The following ITGA9 variants were observed in gnomAD, a reference collection of about 807,000 sequenced individuals.
ITGA9 encodes integrin subunit alpha 9, also known as integrin alpha-9.
A neutral mutation model predicts 127.8 loss-of-function variants in ITGA9; 56 were observed. The ratio of observed to expected loss-of-function variants is 0.44; its 90% CI spans 0.35 to 0.55. ITGA9 has a LOEUF of 0.55. ITGA9 is among the 20% of genes least tolerant of loss of function. ITGA9 has a pLI of 0.00. For missense variants in ITGA9, 1,196 were observed against 1,347.1 expected, an observed-to-expected ratio of 0.89 and a Z score of 1.76; for synonymous variants, 508 against 514.5, an observed-to-expected ratio of 0.99 and a Z score of 0.17.
At position 37,452,572 on chromosome 3, in the gene ITGA9, C is replaced by G. The variant is rs2125543053; in HGVS notation, c.185+13C>G. The G allele has an allele frequency of 6.6e-7, 1 of 1,507,920 alleles. No individual in the cohort carries two copies. Among genetic ancestry groups the G allele is most frequent in the East Asian group, 2.8e-5 (1 of 35,996 alleles). The allele number at this position is 1,507,920 out of a possible 1,614,324, so 93.4% of individuals were successfully genotyped here. A position where few individuals can be genotyped will look rare whatever the true frequency, so the allele number is the denominator to read the frequency against. On this transcript the variant is annotated intron_variant, in intron 1 of 27. Transcript: ENST00000264741. This position sits in a 1 kb window ranked among gnomAD's most constrained non-coding sequence, Gnocchi z 7.3. ...ACAACACGCGCTGGTGAGTGCCCGC[C>G]CGACTCCGCGACCCTGGCCCGCGCG...
At chr3:37,732,868 C>T (rs1009140386) in intron 19 of ITGA9, 70 bp downstream of exon 19, 32 of 1,244,430 alleles carry the variant, frequency 2.6e-5, no homozygotes, top group South Asian at 7.6e-5. Flanking sequence ...CTGATTCCGC[C>T]GCCTCCCTGA....
At chr3:37,515,040 G>C (rs192401521) in intron 9 of ITGA9, among the ~76,000 whole-genome samples, 18 of 152,172 alleles carry the variant, frequency 1.2e-4, no homozygotes. Flanking sequence ...TCAGGATCTG[G>C]AAGTACAAGT....
Position 37,595,205 on chromosome 3 carries a change from A to G in ITGA9, c.1690-33982A>G, listed in dbSNP as rs1445392182. 2.6e-5 allele frequency among the ~76,000 whole-genome samples: 4 copies of G among 152,004 alleles called. No homozygotes were observed. The East Asian group carries it at 7.7e-4, about 29-fold the overall frequency. On this transcript the variant is annotated intron_variant, in intron 15 of 27. Transcript: ENST00000264741. ...CTGCAGCCTCAGCAGCCCAGGCCCA[A>G]GTGATCCTCCCACCTCAGCTTTCCA...
chr3:37,712,572 G>T (rs1295484886), intron 18 of ITGA9, among the ~76,000 whole-genome samples: 2 of 152,202 alleles, frequency 1.3e-5, no homozygotes, highest in East Asian at 1.9e-4. Context: ...GGTTGGCTTC[G>T]ACCACAGCTT....
At chr3:37,704,237 A>T (rs969735292) in intron 18 of ITGA9, among the ~76,000 whole-genome samples, 1 of 152,132 alleles carries the variant, frequency 6.6e-6, no homozygotes, top group African/African-American at 2.4e-5. Context: ...GATTTGTCTA[A>T]ACAAGGCTTT....
chr3:37,774,119 A>G (rs1696875990), intron 23 of ITGA9, among the ~76,000 whole-genome samples: 2 of 152,222 alleles, frequency 1.3e-5, no homozygotes, highest in Admixed American at 1.3e-4. Flanking sequence ...ACCAACGCCC[A>G]CTTGCGTAGC....
chr3:37,678,619 C>T (rs1448320713), intron 17 of ITGA9, among the ~76,000 whole-genome samples: 5 of 152,150 alleles, frequency 3.3e-5, no homozygotes, highest in African/African-American at 1.2e-4. Flanking sequence ...AGCCTTTACT[C>T]AGGCTAGATT....
chr3:37,593,957 C>T (rs1003198904), intron 15 of ITGA9, among the ~76,000 whole-genome samples: 1 of 152,050 alleles, frequency 6.6e-6, no homozygotes, highest in African/African-American at 2.4e-5. Flanking sequence ...GGAGTCTGAC[C>T]AGGGGCAAGC....
chr3:37,506,512 C>G (rs932393417), intron 7 of ITGA9, among the ~76,000 whole-genome samples: 1 of 152,148 alleles, frequency 6.6e-6, no homozygotes, highest in South Asian at 2.1e-4. Context: ...AAATTATTCT[C>G]GTATTTATTT....
chr3:37,527,787 T>C (rs918676200), intron 13 of ITGA9, among the ~76,000 whole-genome samples: 18 of 146,330 alleles, frequency 1.2e-4, no homozygotes, highest in Non-Finnish European at 2.3e-4. Flanking sequence ...TTTTTTTTTT[T>C]CTTCTTTTCT....
intron 18 of ITGA9, among the ~76,000 whole-genome samples, chr3:37,700,511 G>T (rs1700935059): frequency 6.6e-6 from 1 of 151,886 alleles, no homozygotes; most frequent in South Asian, 2.1e-4. Flanking sequence ...ACCACACCTG[G>T]GTAATTTTTG....
intron 18 of ITGA9, among the ~76,000 whole-genome samples, chr3:37,705,200 T>C (rs1470230203): frequency 6.6e-6 from 1 of 152,234 alleles, no homozygotes; most frequent in Non-Finnish European, 1.5e-5. Context: ...CATTTTTCCT[T>C]ACTTTAGAAG....
intron 7 of ITGA9, among the ~76,000 whole-genome samples, chr3:37,506,300 G>A (rs1175569881): frequency 6.6e-6 from 1 of 152,008 alleles, no homozygotes; most frequent in East Asian, 1.9e-4. Context: ...TCGATTTCCT[G>A]CACACTCTCA....
chr3:37,792,240 T>C (rs1416038253), intron 26 of ITGA9, among the ~76,000 whole-genome samples: 2 of 152,214 alleles, frequency 1.3e-5, no homozygotes, highest in East Asian at 1.9e-4. Context: ...TGAATATTTA[T>C]TGAGGGCTTG....
At chr3:37,755,377 C>G (rs948415395) in intron 23 of ITGA9, among the ~76,000 whole-genome samples, 2 of 152,052 alleles carry the variant, frequency 1.3e-5, no homozygotes, top group African/African-American at 2.4e-5. Context: ...GAGTAGACCC[C>G]CAAGAATCAC....
chr3:37,517,512 C>T lies in ITGA9; in HGVS notation c.1044C>T (p.Leu348=), dbSNP rs148408532. 8.8e-6 allele frequency: 14 copies of T among 1,589,940 alleles called. No homozygotes were observed. Among genetic ancestry groups the T allele is most frequent in the Middle Eastern group, 1.7e-4 (1 of 6,040 alleles). The part of the protein sequence containing the change: ...TVYINRGNGA[L]EEQLALTGDG... ...TCCATCCTGTTTCCCAGGGAGCCCT[C>T]GAGGAGCAGCTGGCTCTGACTGGGG... The change falls in exon 10 of 28, where the codon CTC becomes CTT. Residue 348 remains leucine, a synonymous_variant. Coordinates refer to ENST00000264741, the MANE Select transcript of ITGA9 (RefSeq NM_002207.3).
At chr3:37,790,046 T>G (rs1311018032) in intron 26 of ITGA9, 2 of 561,586 alleles carry the variant, frequency 3.6e-6, no homozygotes, top group Non-Finnish European at 6.8e-6. Flanking sequence ...TTCTCAGCAG[T>G]CCATGTTTCT....
intron 17 of ITGA9, among the ~76,000 whole-genome samples, chr3:37,673,545 TC>T (rs1700656662): frequency 6.6e-6 from 1 of 152,162 alleles, no homozygotes; most frequent in Non-Finnish European, 1.5e-5. Context: ...GCAGTCCCAG[TC>T]CCAGTCACAA....
intron 18 of ITGA9, 45 bp downstream of exon 18, chr3:37,684,060 G>A (rs750704203): frequency 6.5e-7 from 1 of 1,547,212 alleles, no homozygotes; most frequent in Admixed American, 1.7e-5. Flanking sequence ...TCCATCTGGT[G>A]CGCTTGCTGA....
Sources: gnomAD v4.1 joint callset for allele counts (sites outside exome capture counted in the v4.1 genomes callset) on GRCh38, gnomAD v4.1.1 for gene constraint, Gnocchi (gnomAD v3.1) non-coding constraint, MANE v1.5 for transcripts, NCBI Gene and HGNC (gene_info 2026-07-23, HGNC 2026-07-21) for gene names.